GLB1: variants seen among roughly 807,000 people sequenced by gnomAD.
GLB1 encodes the protein galactosidase beta 1, also known as beta-galactosidase.
Under a neutral mutation model 74.0 loss-of-function variants are expected in GLB1, and 56 were observed. That is an observed-to-expected ratio of 0.76 (90% CI 0.61 to 0.94). GLB1 has a LOEUF of 0.94. Ranked by LOEUF, GLB1 falls within the 40% of genes least tolerant of loss-of-function variation. The pLI, the probability that GLB1 is intolerant of heterozygous loss-of-function variation, is 0.00. For synonymous variants in GLB1, 323 were observed against 323.6 expected (o/e 1.00, Z 0.02); for missense variants, 787 against 845.5 (o/e 0.93, Z 0.86).
chr3:33,055,097 G>T (rs936168054), intron 6 of GLB1, among the ~76,000 whole-genome samples: 5 of 152,224 alleles, frequency 3.3e-5, no homozygotes, highest in Non-Finnish European at 7.3e-5. Flanking sequence ...GTGGCATTCA[G>T]CTCTTTAAAC....
At chr3:32,977,382 T>C in the GLB1 span, among the ~76,000 whole-genome samples, 10 of 151,924 alleles carry the variant, frequency 6.6e-5, no homozygotes, top group African/African-American at 2.4e-4. Context: ...ATTTTTGTAT[T>C]TTTAGTAGAG....
At chr3:32,966,959 T>C in the GLB1 span, among the ~76,000 whole-genome samples, 6 of 152,304 alleles carry the variant, frequency 3.9e-5, no homozygotes, top group African/African-American at 1.4e-4. Flanking sequence ...TTAGATTTCT[T>C]TCCTTTATAA....
In GLB1 at chr3:33,065,958, A is replaced by C. The variant is rs1699659192; in HGVS notation, c.458-401T>G. Reference sequence around the variant, plus strand: ...ACTCCAGCCTGGGCAACAAGAGTGAAACTCTGTCTCAAAAAAAAAAAAAAA... The same window carrying C: ...ACTCCAGCCTGGGCAACAAGAGTGACACTCTGTCTCAAAAAAAAAAAAAAA... On this transcript the variant is annotated intron_variant, in intron 4 of 15. Transcript: ENST00000307363. Among the ~76,000 whole-genome samples the C allele has an allele frequency of 4.0e-5, 5 of 124,130 alleles. No individual in the cohort carries two copies. In the South Asian group the frequency reaches 1.6e-3, roughly 39 times the overall value. 81.4% of individuals were successfully genotyped at this position (124,130 alleles called of 152,430 possible). A position where few individuals can be genotyped will look rare whatever the true frequency, so the allele number is the denominator to read the frequency against.
At position 33,046,161 on chromosome 3, in the gene GLB1, G is replaced by A. The variant is rs1237918726; in HGVS notation, c.1027C>T (p.Leu343Phe). 1 of 1,613,850 alleles carries A rather than the reference G, an allele frequency of 6.2e-7. No individual in the cohort carries two copies. The highest frequency in any genetic ancestry group is 1.1e-5 in the South Asian group (1 of 91,042). Residue 343 changes from leucine (L) to phenylalanine (F), a missense_variant, in exon 10 of 16, where the codon CTC (leucine) becomes TTC (phenylalanine). Physicochemically the swap from Leu to Phe is conservative, Grantham distance 22. Coordinates refer to ENST00000307363, the MANE Select transcript of GLB1 (RefSeq NM_000404.4). ...YDAPLSEAGD[L>F]TEKYFALRNI... ...CGCAGAGCAAAATACTTCTCAGTGA[G>A]GTCCCCAGCCTCACTCAGTGGGGCA... is the stretch of plus-strand genomic sequence containing the variant.
At chr3:32,977,328 C>A in the GLB1 span, among the ~76,000 whole-genome samples, 2,817 of 151,848 alleles carry the variant, frequency 0.019, 210 homozygotes, top group East Asian at 0.25. Context: ...ACCTCAGCCT[C>A]CCTAGTAGCT....
chr3:33,057,614 C>T (rs549999508), intron 6 of GLB1, among the ~76,000 whole-genome samples: 2 of 152,320 alleles, frequency 1.3e-5, no homozygotes, highest in East Asian at 1.9e-4. Context: ...TGCAGAAAGA[C>T]AACAAAGCAT....
At position 33,045,430 on chromosome 3, in the gene GLB1, G is replaced by C. The variant is rs997182271; in HGVS notation, c.1068+690C>G. 7 of 985,108 alleles carry C rather than the reference G, an allele frequency of 7.1e-6. No individual in the cohort carries two copies. In the African/African-American group the frequency reaches 1.2e-4, roughly 17 times the overall value. 61.0% of individuals were successfully genotyped at this position (985,108 alleles called of 1,614,324 possible). On this transcript the variant is annotated intron_variant, in intron 10 of 15. Transcript: ENST00000307363. ...CTTAAGGTTGAAGAAATAGTGTCCA[G>C]GTTCAAAATCTGGTGTTCCTCATTC...
rs1553610553 is a variant in GLB1, at chr3:33,053,518, C to G, written c.765G>C (p.Gln255His). 1.2e-6 allele frequency: 2 copies of G among 1,614,194 alleles called. No homozygotes were observed. The highest frequency in any genetic ancestry group is 1.7e-6 in the Non-Finnish European group (2 of 1,180,028). ...GSNITDAFLS[Q>H]RKCEPKGPLI... is the part of the protein sequence containing the mutation. ...AGGGTCCTTTGGGCTCACACTTCCT[C>G]TGGCTTAGGAAAGCATCTGTGATGT... is the stretch of plus-strand genomic sequence containing the variant. The change falls in exon 7 of 16, where the codon CAG becomes CAC. Residue 255 changes from glutamine (Q) to histidine (H), a missense_variant. Gln to His is a conservative substitution (Grantham distance 24). Coordinates refer to ENST00000307363, the MANE Select transcript of GLB1 (RefSeq NM_000404.4).
chr3:33,074,023 CA>C (rs61415844), intron 1 of GLB1, among the ~76,000 whole-genome samples: 1,090 of 81,686 alleles, frequency 0.013, 5 homozygotes, highest in Admixed American at 0.019. Flanking sequence ...GACATTGTCT[CA>C]AAAAAAAAAA....
downstream of GLB1, chr3:32,996,543 T>C (rs1396644632): frequency 4.5e-6 from 1 of 219,808 alleles, no homozygotes; most frequent in Non-Finnish European, 9.2e-6. Flanking sequence ...ATTTATAGGT[T>C]ATCTAGTCCA....
intron 2 of GLB1, among the ~76,000 whole-genome samples, chr3:33,069,984 T>C (rs994256974): frequency 4.6e-5 from 6 of 129,220 alleles, no homozygotes; most frequent in African/African-American, 1.7e-4. Flanking sequence ...GTAGGCCCCA[T>C]TGTCTGTTGT....
chr3:33,094,330 T>C (rs1237094681), intron 1 of GLB1: 1 of 1,461,430 alleles, frequency 6.8e-7, no homozygotes, highest in African/African-American at 1.4e-5. Flanking sequence ...GCATCAGCTT[T>C]GTGGGATATT....
At chr3:33,025,840 G>A (rs1382826941) in intron 10 of GLB1, among the ~76,000 whole-genome samples, 1 of 152,146 alleles carries the variant, frequency 6.6e-6, no homozygotes, top group East Asian at 1.9e-4. Flanking sequence ...CCAGCCTCAC[G>A]GGGCCAGGCA....
intron 1 of GLB1, chr3:33,092,754 G>GA (rs1366512191): frequency 9.9e-6 from 15 of 1,516,996 alleles, no homozygotes; most frequent in Non-Finnish European, 1.3e-5. Context: ...GGCTGGAGGG[G>GA]AAAAGCAGGC....
chr3:33,094,946 G>A (rs1011945344), intron 1 of GLB1, among the ~76,000 whole-genome samples: 1 of 152,156 alleles, frequency 6.6e-6, no homozygotes, highest in African/African-American at 2.4e-5. Flanking sequence ...CACAGTGGCT[G>A]ACGCCTATAA....
In GLB1 at chr3:33,068,215, T is replaced by C; in HGVS notation, c.457+15A>G. On this transcript the variant is annotated intron_variant, in intron 4 of 15. Coordinates refer to ENST00000307363, the MANE Select transcript of GLB1 (RefSeq NM_000404.4). ...AGCTTTTATAAATCTTCTCAAGACA[T>C]CTGTAACAACCTACCTGGGTCGGAG... 1.9e-6 allele frequency: 3 copies of C among 1,614,066 alleles called. No individual in the cohort carries two copies. The highest frequency in any genetic ancestry group is 2.2e-5 in the South Asian group (2 of 91,076).
chr3:33,051,824 AC>A (rs1161452594), intron 8 of GLB1, 26 bp from the exon 9 acceptor site: 2 of 1,614,196 alleles, frequency 1.2e-6, no homozygotes, highest in Admixed American at 1.7e-5. Context: ...AGAACACGGT[AC>A]TTCACTGTGA....
chr3:33,023,123 T>A (rs1409132568), intron 11 of GLB1, among the ~76,000 whole-genome samples: 4 of 152,228 alleles, frequency 2.6e-5, no homozygotes, highest in Non-Finnish European at 5.9e-5. Flanking sequence ...TCACACAATT[T>A]TCCTTCACGG....
chr3:32,999,055 C>T (rs1696435797), intron 15 of GLB1, among the ~76,000 whole-genome samples: 1 of 152,180 alleles, frequency 6.6e-6, no homozygotes, highest in African/African-American at 2.4e-5. Context: ...AGCGGTAGCA[C>T]TCCTTACATG....
Sources: allele counts gnomAD v4.1 joint callset (sites outside exome capture counted in the v4.1 genomes callset), GRCh38; gene constraint gnomAD v4.1.1; transcripts MANE v1.5; gene names NCBI Gene and HGNC (gene_info 2026-07-23, HGNC 2026-07-21).